The following CHKB variants were observed in gnomAD, a reference collection of about 807,000 sequenced individuals.
The protein encoded by CHKB is choline/ethanolamine kinase.
Under a neutral mutation model 57.3 loss-of-function variants are expected in CHKB, and 45 were observed. The observed-to-expected ratio is 0.79, with a 90% CI of 0.62 to 1.01. CHKB has a LOEUF of 1.01. Ranked by LOEUF, CHKB falls within the 50% of genes least tolerant of loss-of-function variation. The pLI, the probability that CHKB is intolerant of heterozygous loss-of-function variation, is 0.00. For missense variants in CHKB, 517 were observed against 502.8 expected (o/e 1.03, Z -0.27); for synonymous variants, 224 against 201.8 (o/e 1.11, Z -0.93).
intron 3 of CHKB, 29 bp downstream of exon 3, chr22:50,581,720 G>A: frequency 6.2e-7 from 1 of 1,601,734 alleles, no homozygotes; most frequent in Non-Finnish European, 8.6e-7. Flanking sequence ...AGGTGCCTTG[G>A]GGAGGAGAGG....
chr22:50,579,562 G>A (rs1455471602), intron 9 of CHKB, 55 bp from the exon 10 acceptor site: 16 of 1,593,256 alleles, frequency 1.0e-5, no homozygotes, highest in Non-Finnish European at 1.4e-5. Flanking sequence ...AGCACTGCTT[G>A]GATCCCCTCA....
chr22:50,580,973 G>A (rs1438209197), intron 4 of CHKB, among the ~76,000 whole-genome samples: 1 of 152,114 alleles, frequency 6.6e-6, no homozygotes, highest in East Asian at 1.9e-4. Context: ...TAGAGACAGG[G>A]TTTCACTGTG....
At chr22:50,581,201 A>G (rs920683737) in intron 4 of CHKB, among the ~76,000 whole-genome samples, 3 of 152,168 alleles carry the variant, frequency 2.0e-5, no homozygotes, top group African/African-American at 7.2e-5. Flanking sequence ...CCTGGGCTCA[A>G]GTGATCCTCC....
intron 2 of CHKB, 93 bp downstream of exon 2, chr22:50,582,156 G>T: frequency 1.7e-6 from 2 of 1,165,392 alleles, no homozygotes; most frequent in Non-Finnish European, 2.5e-6. Context: ...GAACCTCGGT[G>T]TCCTCAACTG....
rs201148042 is a variant in CHKB at position 50,580,205 on chromosome 22, C to T, written c.803G>A (p.Ser268Asn). The change falls in exon 7 of 11, where the codon AGC (serine) becomes AAC (asparagine). Residue 268 changes from serine to asparagine, a missense_variant. Physicochemically the swap from Ser to Asn is conservative, Grantham distance 46 (BLOSUM62 1). Coordinates refer to ENST00000406938, the MANE Select transcript of CHKB (RefSeq NM_005198.5). ...CCAGCCTCACCTATAGTTATAACTGCTGTACTCGAAGTCCACCAGCATGAG... is the reference window on the plus strand; with the variant it reads ...CCAGCCTCACCTATAGTTATAACTGTTGTACTCGAAGTCCACCAGCATGAG... ...DSLMLVDFEY[S>N]SYNYRGFDIG... 5.0e-6 allele frequency: 8 copies of T among 1,613,864 alleles called. No individual in the cohort carries two copies. The East Asian group carries it at 1.8e-4, about 36-fold the overall frequency.
Position 50,579,125 on chromosome 22 carries a change from C to A in CHKB, c.*56G>T, listed in dbSNP as rs2070610811. ...AGGGCCTTCTGCTCGTTGTTCCTCC[C>A]TCCAAGGTCCTGCCCTGGAGGCTCC... On this transcript the variant is annotated 3_prime_UTR_variant, in exon 11 of 11. Transcript: ENST00000406938. 2 of 1,550,638 alleles carry A rather than the reference C, an allele frequency of 1.3e-6. No homozygotes were observed. Among genetic ancestry groups the A allele is most frequent in the African/African-American group, 1.4e-5 (1 of 73,516 alleles).
chr22:50,581,619 G>A, intron 3 of CHKB, 66 bp from the exon 4 acceptor site: 1 of 1,606,338 alleles, frequency 6.2e-7, no homozygotes, highest in Non-Finnish European at 8.5e-7. Context: ...CTGGGGCAAT[G>A]AGGGGAAGTC....
chr22:50,581,392 A>G, intron 4 of CHKB, 28 bp downstream of exon 4: 2 of 1,611,872 alleles, frequency 1.2e-6, no homozygotes, highest in East Asian at 4.5e-5. Flanking sequence ...TCAGGAGTAC[A>G]GGAGCCCTGA....
chr22:50,582,429 C>T (rs1288963514), intron 1 of CHKB, 72 bp from the exon 2 acceptor site: 5 of 1,446,294 alleles, frequency 3.5e-6, no homozygotes, highest in East Asian at 5.8e-5. Flanking sequence ...CCCTCCCGGC[C>T]AGGCCGGCCC....
chr22:50,581,976 T>C (rs2146657059), intron 2 of CHKB, 114 bp from the exon 3 acceptor site: 1 of 945,330 alleles, frequency 1.1e-6, no homozygotes, highest in Non-Finnish European at 1.7e-6. Flanking sequence ...CTGGAGGCTC[T>C]GGAGCACAGG....
chr22:50,582,193 C>T, intron 2 of CHKB, 56 bp downstream of exon 2: 1 of 1,449,266 alleles, frequency 6.9e-7, no homozygotes, highest in East Asian at 2.5e-5. Flanking sequence ...CTACCCGCAT[C>T]GCGTAAGCGA....
At position 50,582,592 on chromosome 22, in the gene CHKB, C is replaced by T; in HGVS notation, c.190G>A (p.Val64Met). ...TAAACCCTCAGCTCCTCGGGCTGCA[C>T]TCGGCGCCAGGCCCCGCCCAAGTAC... Reference protein sequence around the residue: ...REYLGGAWRRVQPEELRVYPV... With the variant: ...REYLGGAWRRMQPEELRVYPV... Residue 64 changes from valine to methionine, a missense_variant, in exon 1 of 11, where the codon GTG (valine) becomes ATG (methionine). Physicochemically the swap from Val to Met is conservative, Grantham distance 21. Transcript: ENST00000406938. 3 of 1,610,560 alleles carry T rather than the reference C, an allele frequency of 1.9e-6. No homozygotes were observed.
In CHKB at chr22:50,581,790, AC is replaced by A; in HGVS notation, c.405del (p.Tyr136ThrfsTer18). The A allele has an allele frequency of 1.9e-6, 3 of 1,613,926 alleles. No individual in the cohort carries two copies. Among genetic ancestry groups the A allele is most frequent in the Non-Finnish European group, 2.5e-6 (3 of 1,179,992 alleles). On this transcript the variant is annotated frameshift_variant, in exon 3 of 11. Transcript: ENST00000406938. LOFTEE classifies it high-confidence loss of function. ...ILAERSLGPQ[L>X]YGVFPEGRLE... ...AGCCGGCCCTCTGGGAAGACTCCGT[AC>A]AGCTGGGGCCCCAGCGACCGCTCCG...
chr22:50,579,826 T>C lies in CHKB; in HGVS notation c.932A>G (p.His311Arg). 6.2e-7 allele frequency: 1 copy of C among 1,613,522 alleles called. No individual in the cohort carries two copies. Reference protein sequence around the residue: ...TDYPTQEQQLHFIRHYLAEAK... With the variant: ...TDYPTQEQQLRFIRHYLAEAK... ...CTCTGCCAGGTAATGACGAATAAAA[T>C]GCAACTACGATCAATGGCCAAGAGT... The change falls in exon 9 of 11, where the codon CAT (histidine) becomes CGT (arginine). Residue 311 changes from histidine (H) to arginine (R), a missense_variant. His to Arg is a conservative substitution (Grantham distance 29). Transcript: ENST00000406938.
chr22:50,580,080 C>T lies in CHKB; in HGVS notation c.821G>A (p.Gly274Asp), dbSNP rs1555894469. ...DFEYSSYNYR[G>D]FDIGNHFCEW... ...ACAAAAATGGTTCCCAATGTCAAAG[C>T]CCCTGGGAGAATAAGGTGGACATTC... Residue 274 changes from glycine to aspartate, a missense_variant and splice_region_variant, in exon 8 of 11, where the codon GGC becomes GAC. Gly to Asp is a moderately conservative substitution (Grantham distance 94). Coordinates refer to ENST00000406938, the MANE Select transcript of CHKB (RefSeq NM_005198.5). 6.2e-7 allele frequency: 1 copy of T among 1,613,872 alleles called. No individual in the cohort carries two copies. Among genetic ancestry groups the T allele is most frequent in the Non-Finnish European group, 8.5e-7 (1 of 1,179,954 alleles).
intron 1 of CHKB, 80 bp downstream of exon 1, chr22:50,582,478 A>G (rs1431464671): frequency 2.4e-5 from 36 of 1,490,576 alleles, no homozygotes; most frequent in Non-Finnish European, 3.1e-5. Context: ...GGGGGCGAAA[A>G]CATGGAGCAT....
chr22:50,581,955 G>T lies in CHKB; in HGVS notation c.334-93C>A, dbSNP rs755726274. On this transcript the variant is annotated intron_variant, in intron 2 of 10. Transcript: ENST00000406938. The stretch of plus-strand genomic sequence containing the variant: ...TCCTCCCACCAGAGCTGCGACTTCT[G>T]ATCCAATTGCCTGGAGGCTCTGGAG... 8.1e-5 allele frequency: 90 copies of T among 1,112,966 alleles called. 1 individual carries two copies. The highest frequency in any genetic ancestry group is 1.2e-4 in the Non-Finnish European group (84 of 727,586). 68.9% of individuals were successfully genotyped at this position (1,112,966 alleles called of 1,614,324 possible). A position where few individuals can be genotyped will look rare whatever the true frequency, so the allele number is the denominator to read the frequency against.
chr22:50,579,078 T>C lies in CHKB; in HGVS notation c.*103A>G, dbSNP rs899548331. ...CCGGTCTCCTGAACCTCAGTTTCACTTGGGGGCTCAGCCCAGTCGCCAGGG... is the reference window on the plus strand; with the variant it reads ...CCGGTCTCCTGAACCTCAGTTTCACCTGGGGGCTCAGCCCAGTCGCCAGGG... On this transcript the variant is annotated 3_prime_UTR_variant, in exon 11 of 11. Transcript: ENST00000406938. 5.2e-6 allele frequency: 6 copies of C among 1,161,208 alleles called. No individual in the cohort carries two copies. The highest frequency in any genetic ancestry group is 5.1e-6 in the Non-Finnish European group (4 of 791,616). The allele number at this position is 1,161,208 out of a possible 1,614,324, so 71.9% of individuals were successfully genotyped here.
intron 5 of CHKB, 44 bp downstream of exon 5, chr22:50,580,521 A>G (rs2070668117): frequency 6.2e-7 from 1 of 1,611,950 alleles, no homozygotes; most frequent in African/African-American, 1.3e-5. Context: ...AACTACTGGA[A>G]GGGCGGACAC....
Sources: allele counts gnomAD v4.1 joint callset (sites outside exome capture counted in the v4.1 genomes callset), GRCh38; gene constraint gnomAD v4.1.1; transcripts MANE v1.5; gene names NCBI Gene and HGNC (gene_info 2026-07-23, HGNC 2026-07-21).